TAFA2: variants seen among roughly 807,000 people sequenced by gnomAD.
The protein encoded by TAFA2 is chemokine-like protein TAFA-2.
A neutral mutation model predicts 18.8 loss-of-function variants in TAFA2; 7 were observed. The ratio of observed to expected loss-of-function variants is 0.37; its 90% CI spans 0.21 to 0.70. TAFA2 has a LOEUF of 0.70. TAFA2 is among the 30% of genes least tolerant of loss of function. The probability of loss-of-function intolerance (pLI) is 0.53; values close to 1 mark genes in which losing one functional copy is unlikely to be tolerated. For missense variants in TAFA2, 122 were observed against 158.1 expected (o/e 0.77, Z 1.23); for synonymous variants, 60 against 54.2 (o/e 1.11, Z -0.47).
intron 1 of TAFA2, among the ~76,000 whole-genome samples, chr12:62,184,467 CTTAGTG>C (rs2062571619): frequency 7.0e-6 from 1 of 143,308 alleles, no homozygotes; most frequent in Non-Finnish European, 1.5e-5. Context: ...TGCCATGATA[CTTAGTG>C]GGTCTGAACA....
chr12:62,068,684 C>A (rs1330099418), intron 1 of TAFA2, among the ~76,000 whole-genome samples: 1 of 151,926 alleles, frequency 6.6e-6, no homozygotes, highest in East Asian at 1.9e-4. Flanking sequence ...ATTCAAAAAA[C>A]CAATTTAGAA....
chr12:61,865,123 A>G (rs1452155556), intron 2 of TAFA2, among the ~76,000 whole-genome samples: 5 of 152,196 alleles, frequency 3.3e-5, no homozygotes, highest in African/African-American at 1.2e-4. Flanking sequence ...CTGAAAGGAA[A>G]GAAAAATCTT....
At chr12:61,812,580 T>A (rs967776850) in intron 2 of TAFA2, among the ~76,000 whole-genome samples, 1 of 150,718 alleles carries the variant, frequency 6.6e-6, no homozygotes, top group Admixed American at 6.6e-5. Flanking sequence ...CTTTTTTTTT[T>A]TTTTTTGGAC....
intron 1 of TAFA2, among the ~76,000 whole-genome samples, chr12:61,930,430 T>C (rs1877508620): frequency 6.6e-6 from 1 of 152,208 alleles, no homozygotes; most frequent in Non-Finnish European, 1.5e-5. Flanking sequence ...ACTTCGTAGT[T>C]GGCTCTGTGC....
chr12:62,054,602 A>G (rs1882139512), intron 1 of TAFA2, among the ~76,000 whole-genome samples: 1 of 152,238 alleles, frequency 6.6e-6, no homozygotes, highest in East Asian at 1.9e-4. Flanking sequence ...TTAGAACCTC[A>G]TAAACTTTGA....
chr12:62,024,831 T>G (rs923252510), intron 1 of TAFA2, among the ~76,000 whole-genome samples: 1 of 152,042 alleles, frequency 6.6e-6, no homozygotes, highest in Non-Finnish European at 1.5e-5. Flanking sequence ...AAAGAAGACA[T>G]TCAAGCAAAC....
intron 1 of TAFA2, among the ~76,000 whole-genome samples, chr12:61,986,574 C>T (rs1346108285): frequency 6.6e-6 from 1 of 151,492 alleles, no homozygotes; most frequent in Non-Finnish European, 1.5e-5. Flanking sequence ...GCTGGGATTA[C>T]AGGCATGAGC....
At chr12:62,138,013 C>T (rs1201439658) in intron 1 of TAFA2, among the ~76,000 whole-genome samples, 1 of 152,094 alleles carries the variant, frequency 6.6e-6, no homozygotes, top group Non-Finnish European at 1.5e-5. Flanking sequence ...CTGCTTATCC[C>T]CTCTGTCTGG....
intron 1 of TAFA2, among the ~76,000 whole-genome samples, chr12:61,999,392 G>C (rs755084239): frequency 5.9e-5 from 9 of 152,172 alleles, no homozygotes; most frequent in Non-Finnish European, 1.0e-4. Flanking sequence ...ACATCTGCTA[G>C]ATAAGAAAGC....
intron 4 of TAFA2, among the ~76,000 whole-genome samples, chr12:61,738,392 G>A (rs940290863): frequency 4.0e-5 from 6 of 149,596 alleles, no homozygotes; most frequent in African/African-American, 9.9e-5. Context: ...ATTTTTAAAC[G>A]TAAAAGATTT....
chr12:62,191,345 C>G lies in TAFA2; in HGVS notation c.-88G>C, dbSNP rs567108781. On this transcript the variant is annotated 5_prime_UTR_variant, in exon 1 of 5. Transcript: ENST00000416284. Reference sequence around the variant, plus strand: ...GGCGCCAGCCTTATCGCTCTCGCATCGCTTCCAAGATGCCAATCCGCCGTC... The same window carrying G: ...GGCGCCAGCCTTATCGCTCTCGCATGGCTTCCAAGATGCCAATCCGCCGTC... 6.6e-6 allele frequency: 1 copy of G among 152,452 alleles called. No individual in the cohort carries two copies. Among genetic ancestry groups the G allele is most frequent in the East Asian group, 1.9e-4 (1 of 5,178 alleles). The allele number at this position is 152,452 out of a possible 1,614,324, so 9.4% of individuals were successfully genotyped here. A position where few individuals can be genotyped will look rare whatever the true frequency, so the allele number is the denominator to read the frequency against.
At chr12:61,955,913 T>C (rs1341821915) in intron 1 of TAFA2, among the ~76,000 whole-genome samples, 1 of 151,776 alleles carries the variant, frequency 6.6e-6, no homozygotes, top group Non-Finnish European at 1.5e-5. Context: ...TCAAGTGTTA[T>C]AATCTTAGCG....
chr12:62,117,840 T>C (rs1338259364), intron 1 of TAFA2, among the ~76,000 whole-genome samples: 1 of 152,118 alleles, frequency 6.6e-6, no homozygotes, highest in African/African-American at 2.4e-5. Flanking sequence ...AAACTGAATT[T>C]CCTTAATATT....
intron 1 of TAFA2, among the ~76,000 whole-genome samples, chr12:61,874,483 A>G (rs1414343552): frequency 6.6e-6 from 1 of 152,094 alleles, no homozygotes; most frequent in African/African-American, 2.4e-5. Flanking sequence ...TAAGAACCAC[A>G]ATTATCTGCT....
intron 1 of TAFA2, among the ~76,000 whole-genome samples, chr12:62,121,084 C>T (rs1320471370): frequency 1.3e-5 from 2 of 151,986 alleles, no homozygotes; most frequent in Non-Finnish European, 2.9e-5. Context: ...AAACTCCTGA[C>T]CTCCGGTGAT....
chr12:61,719,094 G>T (rs973933128), intron 4 of TAFA2, among the ~76,000 whole-genome samples: 1 of 152,058 alleles, frequency 6.6e-6, no homozygotes, highest in African/African-American at 2.4e-5. Flanking sequence ...AGTTGGGGGG[G>T]ATCTAATCTA....
At chr12:61,939,252 G>C (rs759259967) in intron 1 of TAFA2, among the ~76,000 whole-genome samples, 2 of 152,146 alleles carry the variant, frequency 1.3e-5, no homozygotes, top group Non-Finnish European at 2.9e-5. Flanking sequence ...TGTGTGGCTA[G>C]ATGTTACTTG....
chr12:62,088,234 C>T (rs902223144), intron 1 of TAFA2, among the ~76,000 whole-genome samples: 7 of 151,762 alleles, frequency 4.6e-5, no homozygotes, highest in Middle Eastern at 3.4e-3. Flanking sequence ...CCTTTTTGTC[C>T]ATAGTCACTT....
At chr12:61,924,513 A>G (rs1315398544) in intron 1 of TAFA2, among the ~76,000 whole-genome samples, 2 of 152,230 alleles carry the variant, frequency 1.3e-5, no homozygotes, top group Non-Finnish European at 2.9e-5. Context: ...AAAGAGAAAT[A>G]AAATCCTTCA....
Sources: gnomAD v4.1 joint callset for allele counts (sites outside exome capture counted in the v4.1 genomes callset) on GRCh38, gnomAD v4.1.1 for gene constraint, MANE v1.5 for transcripts, NCBI Gene and HGNC (gene_info 2026-07-23, HGNC 2026-07-21) for gene names.